Variants in MOCS1 observed in about 807,000 individuals in gnomAD.
The protein encoded by MOCS1 is molybdenum cofactor biosynthesis protein 1.
In MOCS1, 39 loss-of-function variants were observed where a neutral mutation model predicts 57.6. The ratio of observed to expected loss-of-function variants is 0.68; its 90% CI spans 0.52 to 0.88. The LOEUF (loss-of-function observed/expected upper bound fraction) is 0.88. Among genes scored for constraint, MOCS1 ranks in the 40% least tolerant of loss-of-function variants. MOCS1 has a pLI of 0.00. For synonymous variants in MOCS1, 334 were observed against 335.7 expected (o/e 1.00, Z 0.05); for missense variants, 795 against 831.1 (o/e 0.96, Z 0.53).
intron 3 of MOCS1, among the ~76,000 whole-genome samples, chr6:39,920,778 A>G (rs934408302): frequency 6.6e-6 from 1 of 151,958 alleles, no homozygotes; most frequent in African/African-American, 2.4e-5. Context: ...CAGGAGTGCA[A>G]GACCAGCCTG....
chr6:39,915,986 C>A lies in MOCS1; in HGVS notation c.583+82G>T, dbSNP rs1434186478. ...CAGACACCAAGAGGAAGTGACCAGG[C>A]CCCTGGCTCAGCAATGGCCATGCCC... On this transcript the variant is annotated intron_variant, in intron 4 of 10. Transcript: ENST00000340692. The A allele has an allele frequency of 4.7e-6, 7 of 1,474,264 alleles. No homozygotes were observed. The African/African-American group carries it at 9.8e-5, about 21-fold the overall frequency. The allele number at this position is 1,474,264 out of a possible 1,614,324, so 91.3% of individuals were successfully genotyped here. A position where few individuals can be genotyped will look rare whatever the true frequency, so the allele number is the denominator to read the frequency against.
intron 1 of MOCS1, among the ~76,000 whole-genome samples, chr6:39,930,171 C>T (rs946922842): frequency 6.6e-6 from 1 of 152,176 alleles, no homozygotes; most frequent in African/African-American, 2.4e-5. Context: ...TCCTCTAACA[C>T]TGCATGCCCT....
Position 39,926,068 on chromosome 6 carries a change from C to T in MOCS1, c.251-223G>A, listed in dbSNP as rs11965201. Among the ~76,000 whole-genome samples the T allele has an allele frequency of 8.1e-3, 1,238 of 152,328 alleles. 7 individuals are homozygous for T. Among genetic ancestry groups the T allele is most frequent in the Middle Eastern group, 0.017 (5 of 294 alleles). On this transcript the variant is annotated intron_variant, in intron 2 of 10. Coordinates refer to ENST00000340692, the MANE Select transcript of MOCS1 (RefSeq NM_001358530.2). ...CGTTAACACCTTTCCCTATGCCCAA[C>T]ACACACAATCTGGCCATAACATCCC...
Position 39,906,112 on chromosome 6 carries a change from G to C in MOCS1, c.*245C>G. 1 of 690,180 alleles carries C rather than the reference G, an allele frequency of 1.4e-6. No homozygotes were observed. The highest frequency in any genetic ancestry group is 2.6e-6 in the Non-Finnish European group (1 of 378,710). The allele number at this position is 690,180 out of a possible 1,614,324, so 42.8% of individuals were successfully genotyped here. A position where few individuals can be genotyped will look rare whatever the true frequency, so the allele number is the denominator to read the frequency against. ...TTGCTTGTTGCAGTCCCGCTCCCACGACCTTAGTGTCCTGGAAGGCTTAAG... is the reference window on the plus strand; with the variant it reads ...TTGCTTGTTGCAGTCCCGCTCCCACCACCTTAGTGTCCTGGAAGGCTTAAG... On this transcript the variant is annotated 3_prime_UTR_variant, in exon 11 of 11. Transcript: ENST00000340692.
chr6:39,930,138 G>A (rs111910986), intron 1 of MOCS1, among the ~76,000 whole-genome samples: 1,855 of 151,980 alleles, frequency 0.012, 17 homozygotes, highest in East Asian at 0.046. Context: ...AGATATTAAC[G>A]AGCCCCATTC....
chr6:39,910,872 G>A (rs151315361), intron 8 of MOCS1, among the ~76,000 whole-genome samples: 132 of 152,116 alleles, frequency 8.7e-4, no homozygotes, highest in Non-Finnish European at 1.5e-3. Context: ...ATGGGTAAAG[G>A]GAAAGAACAA....
chr6:39,928,766 CAG>C (rs1015738600), intron 1 of MOCS1, among the ~76,000 whole-genome samples: 4 of 152,114 alleles, frequency 2.6e-5, no homozygotes, highest in African/African-American at 9.7e-5. Flanking sequence ...GGAGTAAAGA[CAG>C]GGGTGGAGTG....
At chr6:39,932,715 G>C (rs1205966501) in intron 1 of MOCS1, among the ~76,000 whole-genome samples, 1 of 152,240 alleles carries the variant, frequency 6.6e-6, no homozygotes, top group Non-Finnish European at 1.5e-5. Flanking sequence ...TCACAGGACA[G>C]AGCATGTGCC....
chr6:39,914,462 A>C (rs956032332), intron 4 of MOCS1, among the ~76,000 whole-genome samples: 5 of 152,242 alleles, frequency 3.3e-5, no homozygotes, highest in African/African-American at 1.2e-4. Flanking sequence ...TACTACGCAC[A>C]GGTGCTGTTC....
At chr6:39,916,265 T>G in intron 3 of MOCS1, 33 bp from the exon 4 acceptor site, 2 of 1,611,376 alleles carry the variant, frequency 1.2e-6, no homozygotes, top group Non-Finnish European at 1.7e-6. Context: ...GTCAGACTGC[T>G]TGCTTGTTCT....
intron 8 of MOCS1, among the ~76,000 whole-genome samples, chr6:39,911,729 G>A (rs1469707437): frequency 6.6e-6 from 1 of 151,742 alleles, no homozygotes; most frequent in African/African-American, 2.4e-5. Context: ...TGCTCTTGAT[G>A]CCCTGCACTC....
chr6:39,928,673 CT>C (rs1166827557), intron 1 of MOCS1, among the ~76,000 whole-genome samples: 1 of 152,190 alleles, frequency 6.6e-6, no homozygotes, highest in Non-Finnish European at 1.5e-5. Flanking sequence ...ACCTGGTACA[CT>C]GTGAAAGTCC....
intron 3 of MOCS1, among the ~76,000 whole-genome samples, chr6:39,919,277 G>A (rs935414366): frequency 2.6e-5 from 4 of 152,118 alleles, no homozygotes; most frequent in African/African-American, 9.7e-5. Context: ...TTGAGGTCAG[G>A]AGTTCAAGAC....
At chr6:39,928,461 A>T (rs1351226938) in intron 1 of MOCS1, among the ~76,000 whole-genome samples, 2 of 152,006 alleles carry the variant, frequency 1.3e-5, no homozygotes, top group African/African-American at 2.4e-5. Context: ...ACCACACCCG[A>T]CCCTGATTCC....
At position 39,913,173 on chromosome 6, in the gene MOCS1, C is replaced by G. The variant is rs76378022; in HGVS notation, c.757+144G>C. The G allele has an allele frequency of 7.4e-4, 649 of 880,278 alleles. 4 individuals are homozygous for G. In the African/African-American group the frequency reaches 9.2e-3, roughly 12 times the overall value. The allele number at this position is 880,278 out of a possible 1,614,324, so 54.5% of individuals were successfully genotyped here. On this transcript the variant is annotated intron_variant, in intron 6 of 10. Transcript: ENST00000340692. ...CTGGTGGATTGAATCACATCCACAGCGGGCTCCGAGAAGCCACCAACAGCC... is the reference window on the plus strand; with the variant it reads ...CTGGTGGATTGAATCACATCCACAGGGGGCTCCGAGAAGCCACCAACAGCC...
chr6:39,921,258 G>C (rs1252669534), intron 3 of MOCS1, among the ~76,000 whole-genome samples: 1 of 151,992 alleles, frequency 6.6e-6, no homozygotes, highest in Non-Finnish European at 1.5e-5. Context: ...AATTAGCCAG[G>C]CATGGTGGCG....
At position 39,906,006 on chromosome 6, in the gene MOCS1, A is replaced by C; in HGVS notation, c.*351T>G. ...GGAGAAGAGAAAACCCAAAATGAGA[A>C]GGAAAAGTTCTGGGCTGGACTGTCG... On this transcript the variant is annotated 3_prime_UTR_variant, in exon 11 of 11. Coordinates refer to ENST00000340692, the MANE Select transcript of MOCS1 (RefSeq NM_001358530.2). The C allele has an allele frequency of 2.0e-6, 1 of 499,652 alleles. No homozygotes were observed. The highest frequency in any genetic ancestry group is 3.9e-6 in the Non-Finnish European group (1 of 257,188). 31.0% of individuals were successfully genotyped at this position (499,652 alleles called of 1,614,324 possible).
intron 3 of MOCS1, among the ~76,000 whole-genome samples, chr6:39,918,529 G>A (rs1011000566): frequency 1.3e-5 from 2 of 152,244 alleles, no homozygotes; most frequent in Non-Finnish European, 2.9e-5. Context: ...GTTCATCACG[G>A]AGTAATGCAT....
intron 3 of MOCS1, among the ~76,000 whole-genome samples, chr6:39,922,730 T>C (rs1425620157): frequency 6.6e-6 from 1 of 152,094 alleles, no homozygotes; most frequent in Non-Finnish European, 1.5e-5. Flanking sequence ...CTGCAGCACC[T>C]CTCAAAGGCT....
Sources: gnomAD v4.1 joint callset for allele counts (sites outside exome capture counted in the v4.1 genomes callset) on GRCh38, gnomAD v4.1.1 for gene constraint, MANE v1.5 for transcripts, NCBI Gene and HGNC (gene_info 2026-07-23, HGNC 2026-07-21) for gene names.